The following NKAIN3 variants were observed in gnomAD, a reference collection of about 807,000 sequenced individuals.
NKAIN3 encodes sodium/potassium-transporting ATPase subunit beta-1-interacting protein 3.
In NKAIN3, 25 loss-of-function variants were observed where a neutral mutation model predicts 30.2. The ratio of observed to expected loss-of-function variants is 0.83; its 90% CI spans 0.60 to 1.16. The LOEUF is 1.16. NKAIN3 is among the 50% of genes most tolerant of loss of function. NKAIN3 has a pLI of 0.00. For missense variants in NKAIN3, 225 were observed against 254.1 expected, an observed-to-expected ratio of 0.89 and a Z score of 0.78; for synonymous variants, 91 against 89.6, an observed-to-expected ratio of 1.02 and a Z score of -0.09.
At chr8:62,389,271 G>C (rs1342660977) in intron 1 of NKAIN3, among the ~76,000 whole-genome samples, 1 of 152,104 alleles carries the variant, frequency 6.6e-6, no homozygotes, top group Non-Finnish European at 1.5e-5. Flanking sequence ...ATACATGGTG[G>C]AATGATCAAA....
intron 4 of NKAIN3, among the ~76,000 whole-genome samples, chr8:62,759,438 C>T (rs1053597046): frequency 1.3e-5 from 2 of 151,916 alleles, no homozygotes; most frequent in African/African-American, 4.8e-5. Context: ...CAGTTGCAGA[C>T]TATATTTCAG....
intron 2 of NKAIN3, among the ~76,000 whole-genome samples, chr8:62,582,062 T>A (rs1364302808): frequency 1.4e-5 from 2 of 142,808 alleles, no homozygotes; most frequent in African/African-American, 5.2e-5. Context: ...CTTTCCTCCC[T>A]CCTTTCCTCC....
rs143253361 is a variant in NKAIN3 at position 62,294,943 on chromosome 8, C to A, written c.54+45816C>A. The stretch of plus-strand genomic sequence containing the variant: ...TCCAGAAACATACAAACACACATCT[C>A]TCAGGTCCTTTTGATATTCTGGGGC... On this transcript the variant is annotated intron_variant, in intron 1 of 6. Transcript: ENST00000623646. 2.2e-3 allele frequency among the ~76,000 whole-genome samples: 333 copies of A among 152,244 alleles called. 1 individual carries two copies. Among genetic ancestry groups the A allele is most frequent in the African/African-American group, 7.7e-3 (321 of 41,548 alleles).
At chr8:62,253,323 C>T (rs1394776821) in intron 1 of NKAIN3, among the ~76,000 whole-genome samples, 1 of 152,152 alleles carries the variant, frequency 6.6e-6, no homozygotes, top group African/African-American at 2.4e-5. Flanking sequence ...TGCCTGTAAT[C>T]CTAGCACTTT....
At position 62,998,550 on chromosome 8, in the gene NKAIN3, C is replaced by T. The variant is rs554417382; in HGVS notation, c.533-681C>T. On this transcript the variant is annotated intron_variant, in intron 5 of 5. Transcript: ENST00000519049. The stretch of plus-strand genomic sequence containing the variant: ...TCGGCCTCCCAAATTGCTGGGATTA[C>T]AGGTGTGAGTCACCGCTCCTGGCTG... Among the ~76,000 whole-genome samples, 9 of 152,334 alleles carry T rather than the reference C, an allele frequency of 5.9e-5. No individual in the cohort carries two copies. The East Asian group carries it at 1.5e-3, about 26-fold the overall frequency.
chr8:62,614,676 G>T (rs377292017), intron 3 of NKAIN3, among the ~76,000 whole-genome samples: 20 of 152,248 alleles, frequency 1.3e-4, no homozygotes, highest in African/African-American at 4.6e-4. Flanking sequence ...AATCTACCTT[G>T]TGTTCTATTG....
At chr8:62,541,839 G>T (rs1808855577) in intron 1 of NKAIN3, among the ~76,000 whole-genome samples, 1 of 151,844 alleles carries the variant, frequency 6.6e-6, no homozygotes, top group Non-Finnish European at 1.5e-5. Context: ...CTTAATTATT[G>T]TTGAACTTTT....
chr8:62,357,201 G>A (rs1816390346), intron 1 of NKAIN3, among the ~76,000 whole-genome samples: 1 of 152,124 alleles, frequency 6.6e-6, no homozygotes, highest in South Asian at 2.1e-4. Context: ...GAGGCCAGGA[G>A]TTTGAGAACA....
chr8:62,549,237 A>G (rs1249203578), intron 1 of NKAIN3, among the ~76,000 whole-genome samples: 1 of 152,210 alleles, frequency 6.6e-6, no homozygotes, highest in Admixed American at 6.5e-5. Context: ...CAGTAAAATG[A>G]GTAATAGTCT....
At chr8:62,920,257 T>C (rs1161798846) in intron 5 of NKAIN3, among the ~76,000 whole-genome samples, 1 of 152,224 alleles carries the variant, frequency 6.6e-6, no homozygotes, top group Non-Finnish European at 1.5e-5. Flanking sequence ...TTTTGAGTAG[T>C]TATCAAACAA....
At chr8:62,876,000 T>G (rs1166890323) in intron 4 of NKAIN3, among the ~76,000 whole-genome samples, 1 of 152,108 alleles carries the variant, frequency 6.6e-6, no homozygotes, top group East Asian at 1.9e-4. Context: ...ACTAAAGAGC[T>G]AATGTACAGC....
chr8:62,592,932 T>C (rs1306533703), intron 3 of NKAIN3, among the ~76,000 whole-genome samples: 1 of 151,876 alleles, frequency 6.6e-6, no homozygotes, highest in Non-Finnish European at 1.5e-5. Flanking sequence ...AATAACTGAA[T>C]TTTAGAATAC....
chr8:62,305,142 G>T (rs1814186082), intron 1 of NKAIN3, among the ~76,000 whole-genome samples: 1 of 150,128 alleles, frequency 6.7e-6, no homozygotes, highest in Non-Finnish European at 1.5e-5. Context: ...ATTTATCATA[G>T]CATGTTACTC....
At chr8:62,637,770 C>T (rs1056220351) in intron 3 of NKAIN3, among the ~76,000 whole-genome samples, 8 of 152,096 alleles carry the variant, frequency 5.3e-5, no homozygotes, top group African/African-American at 1.7e-4. Flanking sequence ...GAGTGGGGTC[C>T]TTCTGTCCCA....
At chr8:62,484,742 T>G (rs34823790) in intron 1 of NKAIN3, among the ~76,000 whole-genome samples, 16,153 of 152,244 alleles carry the variant, frequency 0.11, 944 homozygotes, top group East Asian at 0.18. Context: ...TGAACAGAGA[T>G]CCAAGGTGGG....
chr8:62,764,521 A>T (rs1816773601), intron 4 of NKAIN3, among the ~76,000 whole-genome samples: 2 of 152,018 alleles, frequency 1.3e-5, no homozygotes, highest in Admixed American at 6.6e-5. Flanking sequence ...GCTGGAGTGC[A>T]GTGGCATGAT....
chr8:62,805,467 G>T (rs1818243947), intron 4 of NKAIN3, among the ~76,000 whole-genome samples: 1 of 152,086 alleles, frequency 6.6e-6, no homozygotes, highest in Admixed American at 6.5e-5. Context: ...TAGATCAATG[G>T]AACAGAATAG....
At chr8:62,475,173 C>T (rs2129600261) in intron 1 of NKAIN3, among the ~76,000 whole-genome samples, 1 of 152,204 alleles carries the variant, frequency 6.6e-6, no homozygotes, top group African/African-American at 2.4e-5. Context: ...CTCATAGAAC[C>T]TCAGCTCTCC....
chr8:62,378,223 A>T (rs1817156754), intron 1 of NKAIN3, among the ~76,000 whole-genome samples: 1 of 152,202 alleles, frequency 6.6e-6, no homozygotes, highest in Admixed American at 6.5e-5. Flanking sequence ...AGCTCTGTGG[A>T]GCCTTGAACT....
Sources: gnomAD v4.1 joint callset for allele counts (sites outside exome capture counted in the v4.1 genomes callset) on GRCh38, gnomAD v4.1.1 for gene constraint, MANE v1.5 for transcripts, NCBI Gene and HGNC (gene_info 2026-07-23, HGNC 2026-07-21) for gene names.